Variants in AMBRA1 observed in about 807,000 individuals in gnomAD.
AMBRA1 encodes activating molecule in BECN1-regulated autophagy protein 1.
AMBRA1 carries 47 observed loss-of-function variants against 125.4 expected under a neutral mutation model. That is an observed-to-expected ratio of 0.37 (90% CI 0.30 to 0.48). The LOEUF is 0.48. Ranked by LOEUF, AMBRA1 falls within the 20% of genes least tolerant of loss-of-function variation. The pLI is 0.99. For synonymous variants in AMBRA1, 626 were observed against 655.5 expected (o/e 0.95, Z 0.69); for missense variants, 1,331 against 1,693.4 (o/e 0.79, Z 3.76).
intron 1 of AMBRA1, among the ~76,000 whole-genome samples, chr11:46,593,178 A>G (rs2044669009): frequency 6.6e-6 from 1 of 152,190 alleles, no homozygotes. Flanking sequence ...ATTCCTAGGA[A>G]AATTGGGATC....
rs892360803 is a variant in AMBRA1, at chr11:46,481,662, C to G, written c.2521+11946G>C. 2.6e-5 allele frequency among the ~76,000 whole-genome samples: 4 copies of G among 152,320 alleles called. No individual in the cohort carries two copies. The East Asian group carries it at 7.7e-4, about 29-fold the overall frequency. On this transcript the variant is annotated intron_variant, in intron 11 of 17. Coordinates refer to ENST00000683756, the MANE Select transcript of AMBRA1 (RefSeq NM_001387011.1). The stretch of plus-strand genomic sequence containing the variant: ...ACAGGCATGATCTACCGCGCCCGGC[C>G]TATTTTTGTTCTCTGAAGGTAAAGC...
intron 11 of AMBRA1, among the ~76,000 whole-genome samples, chr11:46,487,145 C>A (rs1338756454): frequency 6.6e-6 from 1 of 151,700 alleles, no homozygotes; most frequent in Non-Finnish European, 1.5e-5. Context: ...ACAGTTCCAG[C>A]TACTCAGGAG....
chr11:46,493,902 C>T (rs1565216362), intron 10 of AMBRA1, 194 bp from the exon 11 acceptor site: 6 of 639,050 alleles, frequency 9.4e-6, no homozygotes, highest in Non-Finnish European at 1.6e-5. Flanking sequence ...AAAGTTCCCC[C>T]AACACTTCTG....
chr11:46,590,098 C>T (rs1005952473), intron 1 of AMBRA1, among the ~76,000 whole-genome samples: 5 of 151,778 alleles, frequency 3.3e-5, no homozygotes, highest in Non-Finnish European at 7.4e-5. Flanking sequence ...TATGGCCGAG[C>T]GAGGTGGCTC....
chr11:46,508,829 A>T (rs1188093661), intron 8 of AMBRA1, among the ~76,000 whole-genome samples: 1 of 152,244 alleles, frequency 6.6e-6, no homozygotes, highest in Non-Finnish European at 1.5e-5. Context: ...GGAGATGGTA[A>T]GCCTCAGATG....
chr11:46,432,848 C>CT (rs1477228123), intron 14 of AMBRA1, among the ~76,000 whole-genome samples: 1 of 152,220 alleles, frequency 6.6e-6, no homozygotes, highest in Non-Finnish European at 1.5e-5. Context: ...AAATGAGCAC[C>CT]TATGGGACGT....
chr11:46,454,487 G>A (rs1013124962), intron 11 of AMBRA1, among the ~76,000 whole-genome samples: 7 of 149,380 alleles, frequency 4.7e-5, no homozygotes, highest in East Asian at 4.1e-4. Context: ...TGTAATCCCA[G>A]CACTTTGGGA....
intron 11 of AMBRA1, among the ~76,000 whole-genome samples, chr11:46,464,026 T>C (rs1565185690): frequency 6.6e-6 from 1 of 152,190 alleles, no homozygotes; most frequent in Admixed American, 6.5e-5. Context: ...TGCCTAGTAG[T>C]CAGAGACAGT....
chr11:46,472,271 T>C (rs1219510497), intron 11 of AMBRA1, among the ~76,000 whole-genome samples: 2 of 152,218 alleles, frequency 1.3e-5, no homozygotes, highest in African/African-American at 4.8e-5. Flanking sequence ...CTGAGATGGA[T>C]CCTTTTCAGC....
At chr11:46,438,276 G>A (rs1277960795) in intron 12 of AMBRA1, among the ~76,000 whole-genome samples, 2 of 152,224 alleles carry the variant, frequency 1.3e-5, no homozygotes, top group African/African-American at 2.4e-5. Flanking sequence ...GGAGACAGCA[G>A]GAAGCCATGT....
intron 1 of AMBRA1, among the ~76,000 whole-genome samples, chr11:46,550,538 T>C (rs2042960101): frequency 6.6e-6 from 1 of 152,222 alleles, no homozygotes; most frequent in South Asian, 2.1e-4. Context: ...TTAGCATTCA[T>C]TGATGATTCT....
At chr11:46,515,222 C>T (rs1951424056) in intron 7 of AMBRA1, among the ~76,000 whole-genome samples, 1 of 152,182 alleles carries the variant, frequency 6.6e-6, no homozygotes, top group Admixed American at 6.5e-5. Context: ...GCCTGTAATC[C>T]CAACACTTTG....
intron 7 of AMBRA1, among the ~76,000 whole-genome samples, chr11:46,514,913 T>C (rs908331501): frequency 6.6e-6 from 1 of 152,184 alleles, no homozygotes; most frequent in African/African-American, 2.4e-5. Flanking sequence ...AATCAAAATT[T>C]TGAGAAGAGT....
chr11:46,440,540 G>A (rs1947953090), intron 12 of AMBRA1, among the ~76,000 whole-genome samples: 1 of 151,964 alleles, frequency 6.6e-6, no homozygotes, highest in African/African-American at 2.4e-5. Flanking sequence ...ATCAATTTCA[G>A]ATGACAATTA....
At chr11:46,507,427 C>A (rs1439001995) in intron 9 of AMBRA1, among the ~76,000 whole-genome samples, 1 of 149,276 alleles carries the variant, frequency 6.7e-6, no homozygotes, top group East Asian at 2.0e-4. Context: ...TGCAGTGAGC[C>A]GAGATAGCGC....
intron 1 of AMBRA1, among the ~76,000 whole-genome samples, chr11:46,566,090 T>G (rs1011567542): frequency 6.6e-6 from 1 of 152,072 alleles, no homozygotes; most frequent in Non-Finnish European, 1.5e-5. Flanking sequence ...CAAACTACAG[T>G]ACATCCAAAC....
At chr11:46,545,418 C>G (rs574757038) in intron 5 of AMBRA1, among the ~76,000 whole-genome samples, 186 bp downstream of exon 5, 1 of 151,882 alleles carries the variant, frequency 6.6e-6, no homozygotes, top group African/African-American at 2.4e-5. Flanking sequence ...GACAAGACTG[C>G]GCCACTGCAC....
At chr11:46,479,167 C>T (rs1949952838) in intron 11 of AMBRA1, among the ~76,000 whole-genome samples, 1 of 151,766 alleles carries the variant, frequency 6.6e-6, no homozygotes, top group Non-Finnish European at 1.5e-5. Context: ...CACTGCATTC[C>T]AGCCTGGGCA....
chr11:46,487,015 T>C (rs553157760), intron 11 of AMBRA1, among the ~76,000 whole-genome samples: 87 of 148,602 alleles, frequency 5.9e-4, no homozygotes, highest in African/African-American at 2.0e-3. Flanking sequence ...CCCAGCACTT[T>C]GTGGGGCTGA....
Sources: allele counts gnomAD v4.1 joint callset (sites outside exome capture counted in the v4.1 genomes callset), GRCh38; gene constraint gnomAD v4.1.1; transcripts MANE v1.5; gene names NCBI Gene and HGNC (gene_info 2026-07-23, HGNC 2026-07-21).